The following MCTP1 variants were observed in gnomAD, a reference collection of about 807,000 sequenced individuals.
MCTP1 encodes the protein multiple C2 and transmembrane domain containing 1, also known as multiple C2 and transmembrane domain-containing protein 1.
MCTP1 carries 69 observed loss-of-function variants against 120.6 expected under a neutral mutation model. The ratio of observed to expected loss-of-function variants is 0.57; its 90% CI spans 0.47 to 0.70. MCTP1 has a LOEUF of 0.70. MCTP1 is among the 30% of genes least tolerant of loss of function. The probability of loss-of-function intolerance (pLI) is 0.00; values close to 1 mark genes in which losing one functional copy is unlikely to be tolerated. For missense variants in MCTP1, 1,203 were observed against 1,248.8 expected, an observed-to-expected ratio of 0.96 and a Z score of 0.55; for synonymous variants, 529 against 493.1, an observed-to-expected ratio of 1.07 and a Z score of -0.96.
At chr5:95,281,661 T>C (rs1472526976) in intron 1 of MCTP1, among the ~76,000 whole-genome samples, 1 of 152,270 alleles carries the variant, frequency 6.6e-6, no homozygotes, top group African/African-American at 2.4e-5. Context: ...TTTCTATTTC[T>C]CTTATGTCTA....
intron 19 of MCTP1, among the ~76,000 whole-genome samples, chr5:94,750,159 C>T (rs901873963): frequency 3.9e-5 from 6 of 152,130 alleles, no homozygotes; most frequent in Non-Finnish European, 8.8e-5. Flanking sequence ...TACATCCCAC[C>T]TTATGCTATT....
chr5:94,801,541 T>C (rs1360837561), intron 17 of MCTP1, among the ~76,000 whole-genome samples: 1 of 152,232 alleles, frequency 6.6e-6, no homozygotes, highest in Non-Finnish European at 1.5e-5. Flanking sequence ...TCTTGGACCT[T>C]CCTTTATGTT....
At chr5:95,140,796 C>T (rs1582343971) in intron 1 of MCTP1, among the ~76,000 whole-genome samples, 1 of 127,904 alleles carries the variant, frequency 7.8e-6, no homozygotes, top group Admixed American at 9.6e-5. Flanking sequence ...AGGAGAATGG[C>T]GTGAACCCAG....
chr5:94,738,479 C>T (rs776454246), intron 19 of MCTP1, among the ~76,000 whole-genome samples: 4 of 152,186 alleles, frequency 2.6e-5, no homozygotes, highest in East Asian at 1.9e-4. Flanking sequence ...TGTGAACACA[C>T]ATCACACTCA....
intron 2 of MCTP1, among the ~76,000 whole-genome samples, chr5:94,971,746 G>C (rs534567702): frequency 6.6e-6 from 1 of 152,222 alleles, no homozygotes; most frequent in South Asian, 2.1e-4. Flanking sequence ...TCACCACACA[G>C]AGAGCCATCT....
intron 1 of MCTP1, among the ~76,000 whole-genome samples, chr5:95,228,338 T>C (rs1269982908): frequency 1.3e-5 from 2 of 152,122 alleles, no homozygotes; most frequent in African/African-American, 4.8e-5. Flanking sequence ...ATACTGCCAA[T>C]ACCAGATGGG....
intron 17 of MCTP1, among the ~76,000 whole-genome samples, chr5:94,840,785 A>G (rs1210974000): frequency 6.6e-6 from 1 of 152,248 alleles, no homozygotes; most frequent in African/African-American, 2.4e-5. Flanking sequence ...AATATAGTCT[A>G]GACAACAATA....
At chr5:95,056,238 G>A (rs552744214) in intron 1 of MCTP1, among the ~76,000 whole-genome samples, 167 of 152,300 alleles carry the variant, frequency 1.1e-3, no homozygotes, top group Middle Eastern at 3.4e-3. Flanking sequence ...CACTTGAAGA[G>A]TGCTTATACT....
At chr5:95,181,879 T>A (rs866788994) in intron 1 of MCTP1, among the ~76,000 whole-genome samples, 2 of 152,346 alleles carry the variant, frequency 1.3e-5, no homozygotes, top group Middle Eastern at 3.4e-3. Context: ...ACTGTGTTTG[T>A]TATTCAGTTC....
At chr5:95,102,567 T>C (rs1756813739) in intron 1 of MCTP1, among the ~76,000 whole-genome samples, 1 of 152,132 alleles carries the variant, frequency 6.6e-6, no homozygotes. Flanking sequence ...AACTAACCCA[T>C]CTCATATAAT....
At chr5:94,911,132 T>C (rs1254531350) in intron 9 of MCTP1, among the ~76,000 whole-genome samples, 1 of 152,168 alleles carries the variant, frequency 6.6e-6, no homozygotes, top group Admixed American at 6.5e-5. Flanking sequence ...AGTGAAAACT[T>C]CCTGGGCTGG....
chr5:94,773,507 A>C (rs1019042866), intron 19 of MCTP1, among the ~76,000 whole-genome samples: 3 of 152,178 alleles, frequency 2.0e-5, no homozygotes, highest in African/African-American at 4.8e-5. Flanking sequence ...ATATATCATG[A>C]TAGTCTCCCT....
At chr5:95,001,457 A>G (rs1833677723) in intron 2 of MCTP1, among the ~76,000 whole-genome samples, 1 of 152,156 alleles carries the variant, frequency 6.6e-6, no homozygotes, top group Admixed American at 6.5e-5. Context: ...AGATGAGGAA[A>G]CCTTTGGAAC....
chr5:95,181,750 TA>T (rs913622243), intron 1 of MCTP1, among the ~76,000 whole-genome samples: 1 of 152,178 alleles, frequency 6.6e-6, no homozygotes, highest in African/African-American at 2.4e-5. Context: ...AGTAATTGCA[TA>T]AGATACAAAA....
At chr5:95,157,453 T>A (rs1184035772) in intron 1 of MCTP1, among the ~76,000 whole-genome samples, 1 of 152,194 alleles carries the variant, frequency 6.6e-6, no homozygotes, top group Non-Finnish European at 1.5e-5. Context: ...GTTTTCTAAT[T>A]TATATTATTC....
intron 1 of MCTP1, among the ~76,000 whole-genome samples, chr5:95,024,353 A>G (rs1838794344): frequency 6.6e-6 from 1 of 152,216 alleles, no homozygotes; most frequent in Non-Finnish European, 1.5e-5. Flanking sequence ...AATCAAGGCC[A>G]AAAACCACCT....
intron 1 of MCTP1, among the ~76,000 whole-genome samples, chr5:95,156,126 A>G (rs1158181910): frequency 6.6e-6 from 1 of 152,212 alleles, no homozygotes; most frequent in Non-Finnish European, 1.5e-5. Context: ...GAGGACTCTG[A>G]ACTCCAGATG....
chr5:94,929,631 T>C, intron 6 of MCTP1: 1 of 979,552 alleles, frequency 1.0e-6, no homozygotes, highest in Non-Finnish European at 1.2e-6. Flanking sequence ...CCCTTACCCC[T>C]TAGTTTCCCA....
intron 2 of MCTP1, among the ~76,000 whole-genome samples, chr5:94,993,737 T>C (rs1234948982): frequency 1.3e-5 from 2 of 152,146 alleles, no homozygotes; most frequent in Non-Finnish European, 2.9e-5. Flanking sequence ...CCGTAAATAA[T>C]GTCTGGCCTC....
Sources: gnomAD v4.1 joint callset for allele counts (sites outside exome capture counted in the v4.1 genomes callset) on GRCh38, gnomAD v4.1.1 for gene constraint, MANE v1.5 for transcripts, NCBI Gene and HGNC (gene_info 2026-07-23, HGNC 2026-07-21) for gene names.